PPIA: variants seen among roughly 807,000 people sequenced by gnomAD.
The protein encoded by PPIA is peptidylprolyl isomerase A.
In PPIA, 2 loss-of-function variants were observed where a neutral mutation model predicts 15.3. The ratio of observed to expected loss-of-function variants is 0.13; its 90% CI spans 0.05 to 0.41. The LOEUF is 0.41. PPIA is among the 10% of genes least tolerant of loss of function. The pLI, the probability that PPIA is intolerant of heterozygous loss-of-function variation, is 0.99. For missense variants in PPIA, 103 were observed against 210.3 expected (o/e 0.49, Z 3.16); for synonymous variants, 67 against 73.1 (o/e 0.92, Z 0.43).
chr7:44,801,202 A>T, intron 4 of PPIA, 85 bp from the exon 5 acceptor site: 1 of 1,388,894 alleles, frequency 7.2e-7, no homozygotes, highest in Non-Finnish European at 9.7e-7. Context: ...AAAAAAAAAA[A>T]GCTACCTTTC....
Position 44,796,701 on chromosome 7 carries a change from G to A in PPIA, c.-24G>A, listed in dbSNP as rs754628954. The A allele has an allele frequency of 3.2e-5, 52 of 1,608,494 alleles. No homozygotes were observed. The South Asian group carries it at 3.8e-4, about 12-fold the overall frequency. On this transcript the variant is annotated 5_prime_UTR_variant, in exon 1 of 5. Coordinates refer to ENST00000468812, the MANE Select transcript of PPIA (RefSeq NM_021130.5). ...GTGCCGTTTTGCAGACGCCACCGCC[G>A]AGGAAAACCGTGTACTATTAGCCAT...
At position 44,801,389 on chromosome 7, in the gene PPIA, G is replaced by A. The variant is rs766695991; in HGVS notation, c.465G>A (p.Lys155=). 1.3e-6 allele frequency: 2 copies of A among 1,553,348 alleles called. No individual in the cohort carries two copies. Among genetic ancestry groups the A allele is most frequent in the Non-Finnish European group, 1.8e-6 (2 of 1,130,292 alleles). ...CCAGGAATGGCAAGACCAGCAAGAA[G>A]ATCACCATTGCTGACTGTGGACAAC... ...FGSRNGKTSK[K]ITIADCGQLE is the part of the protein sequence containing the mutation. Residue 155 remains lysine (K), a synonymous_variant, in exon 5 of 5, where the codon AAG becomes AAA. Coordinates refer to ENST00000468812, the MANE Select transcript of PPIA (RefSeq NM_021130.5).
In PPIA at chr7:44,799,943, ACACT is replaced by A; in HGVS notation, c.362+70_362+73del. On this transcript the variant is annotated intron_variant, in intron 4 of 4. Transcript: ENST00000468812. ...AGTTGCCCTGGGGGGAACGGAACAA[ACACT>A]ACTTTTCTTCAACCTTTGCTTCCAC... 2.7e-6 allele frequency: 4 copies of A among 1,496,228 alleles called. No individual in the cohort carries two copies. In the South Asian group the frequency reaches 4.6e-5, roughly 17 times the overall value. 92.7% of individuals were successfully genotyped at this position (1,496,228 alleles called of 1,614,324 possible).
chr7:44,802,190 T>TTA lies in PPIA; in HGVS notation c.*769_*770insAT, dbSNP rs1792588775. Reference sequence around the variant, plus strand: ...CTGTTGCGGTTTTTTTTTTTTTTTTTTCCCCTGGAATGCAGTGGCGTGATC... The same window carrying TTA: ...CTGTTGCGGTTTTTTTTTTTTTTTTTTATCCCCTGGAATGCAGTGGCGTGATC... On this transcript the variant is annotated 3_prime_UTR_variant, in exon 5 of 5. Transcript: ENST00000468812. 2 of 148,418 alleles carry TTA rather than the reference T, an allele frequency of 1.3e-5. No homozygotes were observed. Among genetic ancestry groups the TTA allele is most frequent in the Non-Finnish European group, 3.0e-5 (2 of 67,726 alleles). 9.2% of individuals were successfully genotyped at this position (148,418 alleles called of 1,614,324 possible).
rs551027855 is a variant in PPIA at position 44,800,026 on chromosome 7, T to C, written c.362+152T>C. 1.2e-5 allele frequency: 9 copies of C among 767,064 alleles called. No individual in the cohort carries two copies. The East Asian group carries it at 1.6e-4, about 14-fold the overall frequency. The allele number at this position is 767,064 out of a possible 1,614,324, so 47.5% of individuals were successfully genotyped here. A position where few individuals can be genotyped will look rare whatever the true frequency, so the allele number is the denominator to read the frequency against. On this transcript the variant is annotated intron_variant, in intron 4 of 4. Transcript: ENST00000468812. ...GAAGAGCATACATAAACGACAAATA[T>C]AGCCAATGTGATACAGAATGTCAGA...
In PPIA at chr7:44,796,702, A is replaced by T. The variant is rs1478425353; in HGVS notation, c.-23A>T. ...TGCCGTTTTGCAGACGCCACCGCCG[A>T]GGAAAACCGTGTACTATTAGCCATG... On this transcript the variant is annotated 5_prime_UTR_variant, in exon 1 of 5. Transcript: ENST00000468812. The T allele has an allele frequency of 6.2e-7, 1 of 1,608,998 alleles. No individual in the cohort carries two copies. The highest frequency in any genetic ancestry group is 8.5e-7 in the Non-Finnish European group (1 of 1,177,760).
intron 1 of PPIA, 23 bp from the exon 2 acceptor site, chr7:44,799,224 T>C: frequency 6.2e-7 from 1 of 1,611,830 alleles, no homozygotes; most frequent in Non-Finnish European, 8.5e-7. Context: ...CAGATGTTAA[T>C]TAACTGTAAT....
intron 1 of PPIA, among the ~76,000 whole-genome samples, chr7:44,797,459 A>G (rs1386122837): frequency 6.6e-6 from 1 of 152,090 alleles, no homozygotes; most frequent in African/African-American, 2.4e-5. Context: ...CCCACCCCCA[A>G]GCGGAAATGT....
intron 1 of PPIA, 68 bp from the exon 2 acceptor site, chr7:44,799,179 C>A: frequency 2.0e-6 from 3 of 1,485,580 alleles, no homozygotes; most frequent in Non-Finnish European, 1.9e-6. Context: ...GACTCAGAAG[C>A]CCCTAAAGAC....
Position 44,802,740 on chromosome 7 carries a change from A to AG in PPIA, c.*1318_*1319insG, listed in dbSNP as rs1200384396. ...CCAATTTAAGCCATAAGATCTGGTC[A>AG]AAGGGATACCCTTCCCACTAAGGAC... On this transcript the variant is annotated 3_prime_UTR_variant, in exon 5 of 5. Coordinates refer to ENST00000468812, the MANE Select transcript of PPIA (RefSeq NM_021130.5). The AG allele has an allele frequency of 1.3e-5, 2 of 152,228 alleles. No individual in the cohort carries two copies. The allele number at this position is 152,228 out of a possible 1,614,324, so 9.4% of individuals were successfully genotyped here. A position where few individuals can be genotyped will look rare whatever the true frequency, so the allele number is the denominator to read the frequency against.
rs1296743431 is a variant in PPIA at position 44,800,095 on chromosome 7, G to A, written c.362+221G>A. On this transcript the variant is annotated intron_variant, in intron 4 of 4. Transcript: ENST00000468812. The stretch of plus-strand genomic sequence containing the variant: ...GCCCTTAGCTGGGTGGTTGAATTAG[G>A]TGCTACTTTTTTGAGATGGAGTTTT... 3.7e-5 allele frequency: 21 copies of A among 563,544 alleles called. No homozygotes were observed. In the South Asian group the frequency reaches 4.0e-4, roughly 11 times the overall value. 34.9% of individuals were successfully genotyped at this position (563,544 alleles called of 1,614,324 possible).
chr7:44,797,216 TC>T (rs1420528113), intron 1 of PPIA, among the ~76,000 whole-genome samples: 1 of 152,148 alleles, frequency 6.6e-6, no homozygotes, highest in Non-Finnish European at 1.5e-5. Context: ...TGGGAAGCTG[TC>T]CCCTGGCAGG....
At chr7:44,800,155 CTG>C (rs1792503314) in intron 4 of PPIA, 5 of 440,670 alleles carry the variant, frequency 1.1e-5, no homozygotes, top group Non-Finnish European at 2.1e-5. Context: ...GTGGCACAAT[CTG>C]GGCTCACTGC....
chr7:44,800,952 G>GGACT (rs1792537453), intron 4 of PPIA, among the ~76,000 whole-genome samples: 1 of 152,024 alleles, frequency 6.6e-6, no homozygotes, highest in Non-Finnish European at 1.5e-5. Context: ...CGAGTAGCTG[G>GGACT]GACTATAGGC....
intron 4 of PPIA, among the ~76,000 whole-genome samples, chr7:44,800,942 C>G (rs1456042821): frequency 3.3e-5 from 5 of 152,162 alleles, no homozygotes; most frequent in Non-Finnish European, 5.9e-5. Flanking sequence ...CTCAGCCTCC[C>G]GAGTAGCTGG....
chr7:44,799,960 C>T (rs1261336587), intron 4 of PPIA, 86 bp downstream of exon 4: 5 of 1,396,904 alleles, frequency 3.6e-6, no homozygotes, highest in Non-Finnish European at 4.9e-6. Context: ...TTTTCTTCAA[C>T]CTTTGCTTCC....
In PPIA at chr7:44,801,700, C is replaced by T. The variant is rs1278419093; in HGVS notation, c.*278C>T. The stretch of plus-strand genomic sequence containing the variant: ...CAGTAATGGGTTACTTCTGAAACAT[C>T]ACTTGTTTGCTTAATTCTACACAGT... On this transcript the variant is annotated 3_prime_UTR_variant, in exon 5 of 5. Coordinates refer to ENST00000468812, the MANE Select transcript of PPIA (RefSeq NM_021130.5). The T allele has an allele frequency of 6.1e-6, 2 of 325,786 alleles. No individual in the cohort carries two copies. The highest frequency in any genetic ancestry group is 1.5e-4 in the East Asian group (2 of 12,972). 20.2% of individuals were successfully genotyped at this position (325,786 alleles called of 1,614,324 possible).
chr7:44,799,376 A>AT lies in PPIA; in HGVS notation c.101-7dup, dbSNP rs772517982. The AT allele has an allele frequency of 1.6e-4, 252 of 1,606,798 alleles. 3 individuals are homozygous for AT. Among genetic ancestry groups the AT allele is most frequent in the East Asian group, 1.2e-3 (54 of 44,818 alleles). On this transcript the variant is annotated splice_polypyrimidine_tract_variant and intron_variant, in intron 2 of 4. Coordinates refer to ENST00000468812, the MANE Select transcript of PPIA (RefSeq NM_021130.5). Reference sequence around the variant, plus strand: ...TTTTATGTATGTATATATGTGTTTAATTTTTTTTTAAACAGAAAATTTTCG... The same window carrying AT: ...TTTTATGTATGTATATATGTGTTTAATTTTTTTTTTAAACAGAAAATTTTCG...
chr7:44,802,191 T>TCC lies in PPIA; in HGVS notation c.*772_*773dup, dbSNP rs1562773559. 5 of 147,004 alleles carry TCC rather than the reference T, an allele frequency of 3.4e-5. No homozygotes were observed. The highest frequency in any genetic ancestry group is 6.7e-5 in the Admixed American group (1 of 14,998). 9.1% of individuals were successfully genotyped at this position (147,004 alleles called of 1,614,324 possible). A position where few individuals can be genotyped will look rare whatever the true frequency, so the allele number is the denominator to read the frequency against. On this transcript the variant is annotated 3_prime_UTR_variant, in exon 5 of 5. Transcript: ENST00000468812. ...TGTTGCGGTTTTTTTTTTTTTTTTT[T>TCC]CCCCTGGAATGCAGTGGCGTGATCT... is the stretch of plus-strand genomic sequence containing the variant.
Sources: gnomAD v4.1 joint callset for allele counts (sites outside exome capture counted in the v4.1 genomes callset) on GRCh38, gnomAD v4.1.1 for gene constraint, MANE v1.5 for transcripts, NCBI Gene and HGNC (gene_info 2026-07-23, HGNC 2026-07-21) for gene names.